Variants in HS3ST4 observed in about 807,000 individuals in gnomAD.
HS3ST4 encodes heparan sulfate-glucosamine 3-sulfotransferase 4.
A neutral mutation model predicts 29.2 loss-of-function variants in HS3ST4; 17 were observed. The ratio of observed to expected loss-of-function variants is 0.58; its 90% CI spans 0.40 to 0.87. The LOEUF (loss-of-function observed/expected upper bound fraction) is 0.87. Ranked by LOEUF, HS3ST4 falls within the 40% of genes least tolerant of loss-of-function variation. The pLI is 0.00. For synonymous variants in HS3ST4, 314 were observed against 285.7 expected (o/e 1.10, Z -1.00); for missense variants, 627 against 634.5 (o/e 0.99, Z 0.13).
In HS3ST4 at chr16:26,029,650, A is replaced by G. The variant is rs566885789; in HGVS notation, c.735-105962A>G. 3.5e-4 allele frequency among the ~76,000 whole-genome samples: 54 copies of G among 152,188 alleles called. No individual in the cohort carries two copies. The South Asian group carries it at 9.8e-3, about 28-fold the overall frequency. ...CTGGTCTCAAACTCTTGACCTTTTG[A>G]TCCACACGCCTCGGCCTCCCAAAGT... is the stretch of plus-strand genomic sequence containing the variant. On this transcript the variant is annotated intron_variant, in intron 1 of 1. Transcript: ENST00000331351.
intron 1 of HS3ST4, among the ~76,000 whole-genome samples, chr16:25,867,006 G>C (rs184034029): frequency 8.1e-4 from 124 of 152,186 alleles, no homozygotes; most frequent in Admixed American, 3.9e-3. Flanking sequence ...GGGAATCCTG[G>C]AAGACCCACC....
chr16:26,117,159 T>G (rs61247848), intron 1 of HS3ST4, among the ~76,000 whole-genome samples: 10,290 of 152,306 alleles, frequency 0.068, 392 homozygotes, highest in Middle Eastern at 0.12. Context: ...CTGTGGGGAC[T>G]AAGGAATTCG....
At chr16:25,756,169 C>G (rs1010105038) in intron 1 of HS3ST4, among the ~76,000 whole-genome samples, 1 of 148,212 alleles carries the variant, frequency 6.7e-6, no homozygotes, top group African/African-American at 2.5e-5. Context: ...CACACACACA[C>G]ACACACACCC....
At chr16:25,978,645 T>A (rs538364863) in intron 1 of HS3ST4, among the ~76,000 whole-genome samples, 28 of 152,340 alleles carry the variant, frequency 1.8e-4, no homozygotes, top group African/African-American at 6.7e-4. Context: ...AATTTTCTCA[T>A]CTGAAAATCA....
At chr16:26,116,111 C>G (rs1596686880) in intron 1 of HS3ST4, among the ~76,000 whole-genome samples, 2 of 152,136 alleles carry the variant, frequency 1.3e-5, no homozygotes, top group East Asian at 3.9e-4. Flanking sequence ...CAGAAAAGAT[C>G]CTCTTGCAAA....
chr16:25,806,224 T>G (rs527285680), intron 1 of HS3ST4, among the ~76,000 whole-genome samples: 1 of 152,326 alleles, frequency 6.6e-6, no homozygotes, highest in East Asian at 1.9e-4. Context: ...AGAGTATTGG[T>G]AAGTAGATGG....
rs536390109 is a variant in HS3ST4 at position 26,046,435 on chromosome 16, G to C, written c.735-89177G>C. The stretch of plus-strand genomic sequence containing the variant: ...CAAAGTGCTGGGATTACAGGCATGA[G>C]CCACGGTACCCGGCCCAGGAAAAAG... On this transcript the variant is annotated intron_variant, in intron 1 of 1. Transcript: ENST00000331351. Among the ~76,000 whole-genome samples the C allele has an allele frequency of 1.8e-4, 27 of 152,262 alleles. No homozygotes were observed. The South Asian group carries it at 2.1e-3, about 12-fold the overall frequency.
At chr16:25,938,269 C>T (rs1451716518) in intron 1 of HS3ST4, among the ~76,000 whole-genome samples, 1 of 152,176 alleles carries the variant, frequency 6.6e-6, no homozygotes, top group African/African-American at 2.4e-5. Context: ...CTCTCCGGAA[C>T]AGCTGGGAGA....
At chr16:26,003,819 G>C (rs1213813180) in intron 1 of HS3ST4, among the ~76,000 whole-genome samples, 1 of 152,086 alleles carries the variant, frequency 6.6e-6, no homozygotes, top group Admixed American at 6.5e-5. Context: ...TTTCTTGGCA[G>C]TGCAGGGTGG....
chr16:25,967,495 T>C (rs918387656), intron 1 of HS3ST4, among the ~76,000 whole-genome samples: 1 of 152,264 alleles, frequency 6.6e-6, no homozygotes, highest in African/African-American at 2.4e-5. Context: ...TATTTTGCTT[T>C]TTATTTTATA....
chr16:25,952,538 A>C (rs143757209), intron 1 of HS3ST4, among the ~76,000 whole-genome samples: 2 of 152,350 alleles, frequency 1.3e-5, no homozygotes, highest in East Asian at 1.9e-4. Flanking sequence ...ATTTGTAAGA[A>C]GGAAATTATA....
At chr16:25,904,591 G>T (rs1004428570) in intron 1 of HS3ST4, among the ~76,000 whole-genome samples, 2 of 152,098 alleles carry the variant, frequency 1.3e-5, no homozygotes, top group African/African-American at 2.4e-5. Context: ...ATATCCAAGG[G>T]CAATGAAAGT....
intron 1 of HS3ST4, among the ~76,000 whole-genome samples, chr16:25,963,507 G>A (rs772343336): frequency 6.6e-6 from 1 of 152,114 alleles, no homozygotes; most frequent in Non-Finnish European, 1.5e-5. Flanking sequence ...CCTCAAACTT[G>A]CCCTTCTGAC....
intron 1 of HS3ST4, among the ~76,000 whole-genome samples, chr16:25,784,545 G>A (rs1966855657): frequency 6.6e-6 from 1 of 152,206 alleles, no homozygotes; most frequent in African/African-American, 2.4e-5. Context: ...AGTTTTAGTG[G>A]TCTGGTTAGA....
intron 1 of HS3ST4, among the ~76,000 whole-genome samples, chr16:25,805,761 A>C (rs972267217): frequency 1.3e-5 from 2 of 152,196 alleles, no homozygotes; most frequent in African/African-American, 4.8e-5. Context: ...TTTGTTACAC[A>C]GGTAAACGTG....
At chr16:25,933,040 A>G (rs938541271) in intron 1 of HS3ST4, among the ~76,000 whole-genome samples, 6 of 152,028 alleles carry the variant, frequency 3.9e-5, no homozygotes, top group African/African-American at 1.4e-4. Context: ...TCTTTGTCCC[A>G]CATTTTGCCA....
At chr16:25,754,470 C>T (rs1263697428) in intron 1 of HS3ST4, among the ~76,000 whole-genome samples, 1 of 151,858 alleles carries the variant, frequency 6.6e-6, no homozygotes. Context: ...CATCCATCCA[C>T]CCATCCACCT....
chr16:26,013,675 C>T (rs896788112), intron 1 of HS3ST4, among the ~76,000 whole-genome samples: 1 of 152,132 alleles, frequency 6.6e-6, no homozygotes, highest in African/African-American at 2.4e-5. Flanking sequence ...CGCATAAATG[C>T]TTCCTTCTCA....
intron 1 of HS3ST4, among the ~76,000 whole-genome samples, chr16:25,868,970 T>C (rs918029565): frequency 5.3e-5 from 8 of 152,204 alleles, no homozygotes; most frequent in African/African-American, 1.7e-4. Context: ...TATGTGTGTC[T>C]GTGTGCATGT....
Sources: gnomAD v4.1 joint callset for allele counts (sites outside exome capture counted in the v4.1 genomes callset) on GRCh38, gnomAD v4.1.1 for gene constraint, MANE v1.5 for transcripts, NCBI Gene and HGNC (gene_info 2026-07-23, HGNC 2026-07-21) for gene names.